RBL2: variants seen among roughly 807,000 people sequenced by gnomAD.
RBL2 encodes RB transcriptional corepressor like 2.
A neutral mutation model predicts 126.0 loss-of-function variants in RBL2; 56 were observed. The observed-to-expected ratio is 0.44, with a 90% CI of 0.36 to 0.56. RBL2 has a LOEUF of 0.56. Ranked by LOEUF, RBL2 falls within the 20% of genes least tolerant of loss-of-function variation. RBL2 has a pLI of 0.00. For missense variants in RBL2, 1,229 were observed against 1,398.2 expected, an observed-to-expected ratio of 0.88 and a Z score of 1.93; for synonymous variants, 454 against 478.5, an observed-to-expected ratio of 0.95 and a Z score of 0.67.
chr16:53,481,567 C>G, intron 20 of RBL2, 104 bp from the exon 21 acceptor site: 1 of 1,057,518 alleles, frequency 9.5e-7, no homozygotes, highest in Non-Finnish European at 1.3e-6. Context: ...CTCTGTCATT[C>G]ATAAAACTAC....
chr16:53,453,105 G>A (rs1433841878), intron 5 of RBL2, among the ~76,000 whole-genome samples: 1 of 152,044 alleles, frequency 6.6e-6, no homozygotes, highest in East Asian at 1.9e-4. Context: ...TTTTTTTAAA[G>A]TGGTGTTTTT....
chr16:53,452,718 A>T (rs1017902641), intron 5 of RBL2, among the ~76,000 whole-genome samples: 1 of 151,418 alleles, frequency 6.6e-6, no homozygotes, highest in Non-Finnish European at 1.5e-5. Flanking sequence ...CCAGGCTGGG[A>T]TGCAGTGGTG....
intron 1 of RBL2, among the ~76,000 whole-genome samples, chr16:53,437,276 C>T (rs756251878): frequency 1.3e-4 from 20 of 150,936 alleles, no homozygotes; most frequent in Admixed American, 9.2e-4. Flanking sequence ...AAACCATCTC[C>T]CAGAGATATA....
chr16:53,488,791 A>G (rs1961276513), intron 21 of RBL2: 1 of 152,234 alleles, frequency 6.6e-6, no homozygotes, highest in Admixed American at 6.5e-5. Flanking sequence ...ACAATTAACA[A>G]TGTATACAGT....
chr16:53,442,767 G>C lies in RBL2; in HGVS notation c.481G>C (p.Val161Leu), dbSNP rs2058028207. Residue 161 changes from valine to leucine, a missense_variant, in exon 3 of 22, where the codon GTA (valine) becomes CTA (leucine). This residue lies in a region of RBL2 where 1,070 missense variants were observed against 1,274.3 expected (regional missense o/e 0.84). Coordinates refer to ENST00000262133, the MANE Select transcript of RBL2 (RefSeq NM_005611.4). The part of the protein sequence containing the change: ...RLERNFTVSA[V>L]IFKKYEPIFQ... ...AGAAAGAAACTTCACTGTTTCTGCT[G>C]TAATTTTTAAGAAATATGAACCCAT... 1 of 1,613,202 alleles carries C rather than the reference G, an allele frequency of 6.2e-7. No homozygotes were observed. Among genetic ancestry groups the C allele is most frequent in the African/African-American group, 1.3e-5 (1 of 74,900 alleles).
At chr16:53,451,636 A>G in intron 4 of RBL2, 67 bp from the exon 5 acceptor site, 3 of 1,539,836 alleles carry the variant, frequency 1.9e-6, no homozygotes, top group Non-Finnish European at 2.7e-6. Context: ...AAGTAAAGGA[A>G]GAAATTTTTT....
intron 21 of RBL2, chr16:53,489,643 A>T (rs1961323983): frequency 6.6e-6 from 1 of 152,254 alleles, no homozygotes; most frequent in African/African-American, 2.4e-5. Context: ...TTTATTAGCT[A>T]CAATGGATAC....
intron 4 of RBL2, among the ~76,000 whole-genome samples, chr16:53,450,868 A>T (rs924033817): frequency 6.6e-6 from 1 of 152,192 alleles, no homozygotes; most frequent in Non-Finnish European, 1.5e-5. Context: ...GCATGAACTC[A>T]GGAGGCAGAG....
intron 2 of RBL2, 24 bp downstream of exon 2, chr16:53,439,170 G>C (rs1292416394): frequency 2.6e-6 from 4 of 1,553,130 alleles, no homozygotes. Flanking sequence ...AGTTTGACAA[G>C]TAGAGTATGG....
intron 8 of RBL2, among the ~76,000 whole-genome samples, chr16:53,457,258 CTTTTT>C (rs756763534): frequency 8.9e-5 from 8 of 89,932 alleles, no homozygotes; most frequent in African/African-American, 3.0e-4. Context: ...GTACAGATAG[CTTTTT>C]TTTTTTTTTT....
At chr16:53,477,711 A>G (rs1173827065) in intron 17 of RBL2, among the ~76,000 whole-genome samples, 4 of 152,206 alleles carry the variant, frequency 2.6e-5, no homozygotes, top group Non-Finnish European at 5.9e-5. Flanking sequence ...CCTTTGCTCA[A>G]TATGGCTTTG....
chr16:53,454,589 G>A (rs2058148599), intron 7 of RBL2, 67 bp from the exon 8 acceptor site: 1 of 1,342,492 alleles, frequency 7.4e-7, no homozygotes, highest in Admixed American at 2.3e-5. Context: ...ATAAAAAAAT[G>A]AAATAATTAA....
At chr16:53,454,533 C>T (rs1055745402) in intron 7 of RBL2, 123 bp from the exon 8 acceptor site, 2 of 888,780 alleles carry the variant, frequency 2.3e-6, no homozygotes, top group African/African-American at 3.4e-5. Flanking sequence ...CTACAAGTTA[C>T]CCTACCAAAG....
At chr16:53,458,273 C>T (rs1420382738) in intron 8 of RBL2, among the ~76,000 whole-genome samples, 1 of 152,136 alleles carries the variant, frequency 6.6e-6, no homozygotes, top group Non-Finnish European at 1.5e-5. Context: ...ACATTTAATA[C>T]ACAGGGAAAT....
intron 1 of RBL2, among the ~76,000 whole-genome samples, chr16:53,437,005 ATTC>A (rs945359354): frequency 2.6e-5 from 4 of 152,098 alleles, no homozygotes; most frequent in South Asian, 2.1e-4. Context: ...CACAAGACTA[ATTC>A]TTCTTTTTAG....
Position 53,491,409 on chromosome 16 carries a change from C to CTAT in RBL2, c.*1111_*1113dup, listed in dbSNP as rs984244807. 30 of 152,388 alleles carry CTAT rather than the reference C, an allele frequency of 2.0e-4. No homozygotes were observed. The highest frequency in any genetic ancestry group is 7.2e-4 in the African/African-American group (30 of 41,544). The allele number at this position is 152,388 out of a possible 1,614,324, so 9.4% of individuals were successfully genotyped here. The stretch of plus-strand genomic sequence containing the variant: ...TATCTATACATATCTTTATTAATCA[C>CTAT]TATTGTTCCAGCAGTTTTCAAGTCA... On this transcript the variant is annotated 3_prime_UTR_variant, in exon 22 of 22. Coordinates refer to ENST00000262133, the MANE Select transcript of RBL2 (RefSeq NM_005611.4).
chr16:53,456,659 C>T (rs969725430), intron 8 of RBL2, among the ~76,000 whole-genome samples: 1 of 152,214 alleles, frequency 6.6e-6, no homozygotes, highest in African/African-American at 2.4e-5. Context: ...CCCACTTATG[C>T]CACATTAACC....
At chr16:53,453,363 T>C in intron 5 of RBL2, 89 bp from the exon 6 acceptor site, 1 of 1,212,544 alleles carries the variant, frequency 8.2e-7, no homozygotes, top group South Asian at 1.5e-5. Context: ...AGTGGTATAC[T>C]GATTATACTC....
chr16:53,441,825 T>C (rs1358031476), intron 2 of RBL2, among the ~76,000 whole-genome samples: 1 of 152,054 alleles, frequency 6.6e-6, no homozygotes, highest in Non-Finnish European at 1.5e-5. Flanking sequence ...CTTTTTCTTT[T>C]TCTTTTTCTT....
Sources: allele counts gnomAD v4.1 joint callset (sites outside exome capture counted in the v4.1 genomes callset), GRCh38; gene constraint gnomAD v4.1.1; regional missense constraint gnomAD v4.1.1; transcripts MANE v1.5; gene names NCBI Gene and HGNC (gene_info 2026-07-23, HGNC 2026-07-21).